The following AK5 variants were observed in gnomAD, a reference collection of about 807,000 sequenced individuals.
AK5 encodes the protein adenylate kinase 5, also known as adenylate kinase isoenzyme 5.
Under a neutral mutation model 69.5 loss-of-function variants are expected in AK5, and 27 were observed. That is an observed-to-expected ratio of 0.39 (90% CI 0.29 to 0.54). The LOEUF is 0.54. Among genes scored for constraint, AK5 ranks in the 20% least tolerant of loss-of-function variants. The pLI, the probability that AK5 is intolerant of heterozygous loss-of-function variation, is 0.71. For missense variants in AK5, 531 were observed against 700.4 expected, an observed-to-expected ratio of 0.76 and a Z score of 2.73; for synonymous variants, 260 against 244.4, an observed-to-expected ratio of 1.06 and a Z score of -0.60.
At chr1:77,390,782 GA>G (rs576945407) in intron 6 of AK5, among the ~76,000 whole-genome samples, 204 of 152,206 alleles carry the variant, frequency 1.3e-3, no homozygotes, top group African/African-American at 2.6e-3. Flanking sequence ...AGAATAGCAT[GA>G]TTTTTTTATG....
chr1:77,527,737 C>T (rs555197394), intron 12 of AK5, among the ~76,000 whole-genome samples: 21 of 152,298 alleles, frequency 1.4e-4, no homozygotes, highest in Admixed American at 1.0e-3. Flanking sequence ...AGAACACATC[C>T]AGCCCTCCAG....
At chr1:77,365,060 C>T (rs1352799820) in intron 6 of AK5, among the ~76,000 whole-genome samples, 1 of 152,144 alleles carries the variant, frequency 6.6e-6, no homozygotes, top group African/African-American at 2.4e-5. Context: ...TGATAACATT[C>T]ATGCTACCTG....
intron 6 of AK5, among the ~76,000 whole-genome samples, chr1:77,400,202 T>G (rs1348861900): frequency 2.0e-5 from 3 of 152,152 alleles, no homozygotes; most frequent in South Asian, 2.1e-4. Flanking sequence ...AAGCCCTGCT[T>G]TGTTCTGCAA....
At chr1:77,480,117 CGAGTGTGT>C (rs1432140274) in intron 8 of AK5, among the ~76,000 whole-genome samples, 25 of 92,254 alleles carry the variant, frequency 2.7e-4, no homozygotes, top group South Asian at 5.4e-4. Context: ...CCATTCACCC[CGAGTGTGT>C]GTGTGTGTGT....
intron 13 of AK5, among the ~76,000 whole-genome samples, chr1:77,554,676 G>T (rs752359739): frequency 6.6e-6 from 1 of 152,080 alleles, no homozygotes; most frequent in Non-Finnish European, 1.5e-5. Context: ...CGCGATCTCA[G>T]CTCACTGTCA....
intron 10 of AK5, among the ~76,000 whole-genome samples, chr1:77,513,771 C>T (rs1034671766): frequency 2.0e-5 from 3 of 152,134 alleles, no homozygotes; most frequent in Non-Finnish European, 4.4e-5. Flanking sequence ...ACCTGGGAGG[C>T]GGAGGCTGGT....
chr1:77,294,770 T>G (rs1658890732), intron 3 of AK5, among the ~76,000 whole-genome samples: 1 of 152,146 alleles, frequency 6.6e-6, no homozygotes, highest in African/African-American at 2.4e-5. Context: ...GTTTTAAATA[T>G]TTTTGAAAAA....
chr1:77,473,697 G>A (rs1233153245), intron 8 of AK5, among the ~76,000 whole-genome samples: 2 of 152,102 alleles, frequency 1.3e-5, no homozygotes, highest in African/African-American at 2.4e-5. Flanking sequence ...TACTTAGCAT[G>A]TCTCTGTTAG....
intron 12 of AK5, among the ~76,000 whole-genome samples, chr1:77,529,334 GTT>G (rs935476152): frequency 2.2e-4 from 30 of 137,984 alleles, no homozygotes; most frequent in African/African-American, 5.2e-4. Context: ...CGTTTTATAG[GTT>G]TTTTTTTTTT....
chr1:77,338,637 G>A (rs1199034036), intron 5 of AK5, among the ~76,000 whole-genome samples: 2 of 152,114 alleles, frequency 1.3e-5, no homozygotes, highest in Non-Finnish European at 1.5e-5. Flanking sequence ...ACCTGGAGAG[G>A]GAAGAGTATG....
intron 12 of AK5, among the ~76,000 whole-genome samples, chr1:77,533,989 A>G (rs1338754656): frequency 2.6e-5 from 4 of 151,750 alleles, no homozygotes; most frequent in Non-Finnish European, 4.4e-5. Context: ...GAAAAGTCGC[A>G]TGACCTATTC....
intron 8 of AK5, among the ~76,000 whole-genome samples, chr1:77,478,827 G>A (rs954599103): frequency 3.9e-5 from 6 of 152,126 alleles, no homozygotes; most frequent in Non-Finnish European, 7.3e-5. Context: ...TCTTAAGGTG[G>A]TGATGATAGG....
At chr1:77,435,711 G>C (rs1651918389) in intron 8 of AK5, among the ~76,000 whole-genome samples, 1 of 150,254 alleles carries the variant, frequency 6.7e-6, no homozygotes, top group Non-Finnish European at 1.5e-5. Context: ...AAAAATCAAA[G>C]ACTTTCACAA....
intron 6 of AK5, among the ~76,000 whole-genome samples, chr1:77,356,535 T>C (rs1662535507): frequency 6.6e-6 from 1 of 152,148 alleles, no homozygotes; most frequent in Non-Finnish European, 1.5e-5. Context: ...TTTGCACAAG[T>C]TTTTGAAACT....
intron 5 of AK5, among the ~76,000 whole-genome samples, chr1:77,310,078 G>A (rs1449608575): frequency 6.6e-6 from 1 of 152,058 alleles, no homozygotes; most frequent in Non-Finnish European, 1.5e-5. Flanking sequence ...AAAGGTCCAG[G>A]TATTTATTCT....
At chr1:77,290,726 C>T (rs1658640728) in intron 2 of AK5, among the ~76,000 whole-genome samples, 1 of 152,158 alleles carries the variant, frequency 6.6e-6, no homozygotes, top group African/African-American at 2.4e-5. Context: ...ACTTCTTTTC[C>T]TGTTTCCATG....
At chr1:77,360,498 G>C (rs1308681585) in intron 6 of AK5, among the ~76,000 whole-genome samples, 2 of 152,100 alleles carry the variant, frequency 1.3e-5, no homozygotes, top group Admixed American at 6.6e-5. Context: ...GAAGTTAGGG[G>C]GGGTGGATGT....
intron 6 of AK5, among the ~76,000 whole-genome samples, chr1:77,367,796 TTA>T (rs1238771477): frequency 7.7e-3 from 28 of 3,650 alleles, no homozygotes; most frequent in Non-Finnish European, 8.7e-3. Context: ...GTTATATATG[TTA>T]TATATAATAT....
At position 77,422,131 on chromosome 1, in the gene AK5, C is replaced by T. The variant is rs185037372; in HGVS notation, c.1059+4416C>T. On this transcript the variant is annotated intron_variant, in intron 8 of 13. Transcript: ENST00000354567. ...ACAAGGGCGTCTTCCTAGCCTCCTT[C>T]CTTTCTCTCTCTTCCTACATCAGTT... 1.2e-4 allele frequency among the ~76,000 whole-genome samples: 19 copies of T among 152,310 alleles called. No homozygotes were observed. In the East Asian group the frequency reaches 3.7e-3, roughly 29 times the overall value.
Sources: allele counts gnomAD v4.1 joint callset (sites outside exome capture counted in the v4.1 genomes callset), GRCh38; gene constraint gnomAD v4.1.1; transcripts MANE v1.5; gene names NCBI Gene and HGNC (gene_info 2026-07-23, HGNC 2026-07-21).